RTN1: variants seen among roughly 807,000 people sequenced by gnomAD.
RTN1 encodes the protein reticulon 1.
In RTN1, 25 loss-of-function variants were observed where a neutral mutation model predicts 65.5. The ratio of observed to expected loss-of-function variants is 0.38; its 90% CI spans 0.28 to 0.53. The LOEUF is 0.53. Among genes scored for constraint, RTN1 ranks in the 20% least tolerant of loss-of-function variants. RTN1 has a pLI of 0.79. For missense variants in RTN1, 983 were observed against 1,025.4 expected, an observed-to-expected ratio of 0.96 and a Z score of 0.57; for synonymous variants, 471 against 447.6, an observed-to-expected ratio of 1.05 and a Z score of -0.66.
intron 1 of RTN1, among the ~76,000 whole-genome samples, chr14:59,751,566 A>G (rs1242731670): frequency 6.6e-6 from 1 of 152,188 alleles, no homozygotes; most frequent in African/African-American, 2.4e-5. Flanking sequence ...GGGTTTGTCC[A>G]TATAAATGAA....
chr14:59,634,213 T>C (rs535339404), intron 3 of RTN1, among the ~76,000 whole-genome samples: 1 of 152,238 alleles, frequency 6.6e-6, no homozygotes, highest in East Asian at 1.9e-4. Flanking sequence ...CATTAAGATA[T>C]ATGGGAGAAG....
intron 1 of RTN1, among the ~76,000 whole-genome samples, chr14:59,861,203 T>C (rs1040395268): frequency 3.3e-5 from 5 of 152,162 alleles, no homozygotes; most frequent in African/African-American, 9.7e-5. Context: ...CGGGAGGTAA[T>C]TGAATCATGG....
At chr14:59,660,768 C>T (rs1259944043) in intron 3 of RTN1, among the ~76,000 whole-genome samples, 1 of 151,774 alleles carries the variant, frequency 6.6e-6, no homozygotes, top group Non-Finnish European at 1.5e-5. Flanking sequence ...CACTAAATTC[C>T]CAAAAAAGAA....
intron 1 of RTN1, among the ~76,000 whole-genome samples, chr14:59,808,845 T>C (rs1886681212): frequency 1.3e-5 from 2 of 152,156 alleles, no homozygotes; most frequent in Non-Finnish European, 2.9e-5. Flanking sequence ...GCTCCCACCA[T>C]GTGAGAGGAC....
intron 1 of RTN1, among the ~76,000 whole-genome samples, chr14:59,750,229 AAT>A (rs375840430): frequency 1.6e-4 from 7 of 42,682 alleles, no homozygotes; most frequent in South Asian, 2.1e-3. Context: ...TTATATCTAT[AAT>A]ATATATATTA....
intron 3 of RTN1, among the ~76,000 whole-genome samples, chr14:59,675,177 A>C (rs1883597887): frequency 6.6e-6 from 1 of 152,134 alleles, no homozygotes; most frequent in African/African-American, 2.4e-5. Context: ...AGATATGGTA[A>C]AGAGGGTCAG....
intron 1 of RTN1, among the ~76,000 whole-genome samples, chr14:59,847,189 T>C (rs1451559180): frequency 6.6e-6 from 1 of 152,212 alleles, no homozygotes; most frequent in East Asian, 1.9e-4. Flanking sequence ...TTTCTTCACA[T>C]AAAATATCAT....
intron 3 of RTN1, among the ~76,000 whole-genome samples, chr14:59,621,085 A>G (rs1882241784): frequency 6.6e-6 from 1 of 152,242 alleles, no homozygotes; most frequent in South Asian, 2.1e-4. Flanking sequence ...CCAATTTTTC[A>G]CATTTTAATT....
At chr14:59,832,289 G>C (rs1018615761) in intron 1 of RTN1, among the ~76,000 whole-genome samples, 2 of 151,876 alleles carry the variant, frequency 1.3e-5, no homozygotes, top group South Asian at 4.1e-4. Flanking sequence ...AATATTTTAA[G>C]AAAAAATAAA....
chr14:59,688,514 C>G (rs1192326602), intron 3 of RTN1, among the ~76,000 whole-genome samples: 1 of 152,156 alleles, frequency 6.6e-6, no homozygotes, highest in African/African-American at 2.4e-5. Context: ...GAGCTCAGAC[C>G]AATGTGCACA....
intron 3 of RTN1, among the ~76,000 whole-genome samples, chr14:59,664,323 G>T (rs1405282985): frequency 6.6e-6 from 1 of 152,090 alleles, no homozygotes; most frequent in Non-Finnish European, 1.5e-5. Context: ...GTCAGGTGGT[G>T]GGGGGAAAGG....
Position 59,870,444 on chromosome 14 carries a change from C to A in RTN1, c.187G>T (p.Ala63Ser), listed in dbSNP as rs1486650495. Reference sequence around the variant, plus strand: ...GACTGCCGGGCGGGGCCCGAGCCGGCTTCCCGCGACGCCGCTTCCCGGGCC... The same window carrying A: ...GACTGCCGGGCGGGGCCCGAGCCGGATTCCCGCGACGCCGCTTCCCGGGCC... ...ARAREAASRE[A>S]GSGPARQSPV... is the part of the protein sequence containing the mutation. The change falls in exon 1 of 9, where the codon GCC (alanine) becomes TCC (serine). Residue 63 changes from alanine (A) to serine (S), a missense_variant. This residue lies in a region of RTN1 where 818 missense variants were observed against 801.8 expected (regional missense o/e 1.02). Transcript: ENST00000267484. The surrounding 1 kb of genome is among the most constrained non-coding windows in gnomAD (Gnocchi z 5.1). 2.0e-6 allele frequency: 3 copies of A among 1,512,552 alleles called. No homozygotes were observed. Among genetic ancestry groups the A allele is most frequent in the Non-Finnish European group, 2.6e-6 (3 of 1,141,588 alleles). 93.7% of individuals were successfully genotyped at this position (1,512,552 alleles called of 1,614,324 possible).
intron 3 of RTN1, among the ~76,000 whole-genome samples, chr14:59,717,375 G>A (rs1467895220): frequency 2.0e-5 from 3 of 152,182 alleles, no homozygotes; most frequent in African/African-American, 4.8e-5. Flanking sequence ...ATTAGTGGTA[G>A]TGAAATGTTT....
intron 1 of RTN1, among the ~76,000 whole-genome samples, chr14:59,793,757 T>C (rs1386251491): frequency 6.6e-6 from 1 of 152,088 alleles, no homozygotes. Context: ...TATACCAATA[T>C]ATACTCACTA....
intron 3 of RTN1, among the ~76,000 whole-genome samples, chr14:59,692,130 GA>G (rs1883974623): frequency 6.6e-6 from 1 of 152,128 alleles, no homozygotes; most frequent in African/African-American, 2.4e-5. Context: ...CAGGAAAAAG[GA>G]AGTCGAACTA....
chr14:59,653,808 GT>G (rs1241916441), intron 3 of RTN1, among the ~76,000 whole-genome samples: 1 of 152,056 alleles, frequency 6.6e-6, no homozygotes, highest in East Asian at 1.9e-4. Context: ...AACAATAATA[GT>G]TGAAAACTTC....
chr14:59,777,024 G>T (rs78615053), intron 1 of RTN1, among the ~76,000 whole-genome samples: 1 of 152,132 alleles, frequency 6.6e-6, no homozygotes, highest in Admixed American at 6.5e-5. Flanking sequence ...ACAGGCAAGC[G>T]TTCATTACGG....
At chr14:59,625,847 T>C (rs1258765223) in intron 3 of RTN1, among the ~76,000 whole-genome samples, 2 of 152,186 alleles carry the variant, frequency 1.3e-5, no homozygotes, top group African/African-American at 4.8e-5. Context: ...AAAAAGAACT[T>C]TATTTTTCAA....
In RTN1 at chr14:59,727,029, C is replaced by G; in HGVS notation, c.1655G>C (p.Arg552Pro). 3.1e-6 allele frequency: 5 copies of G among 1,613,508 alleles called. No individual in the cohort carries two copies. The highest frequency in any genetic ancestry group is 4.2e-6 in the Non-Finnish European group (5 of 1,179,766). ...ALEPETPMLPRKPEEDSSSNQ... is the reference protein window; with the variant it reads ...ALEPETPMLPPKPEEDSSSNQ... ...GGAACTCGAGTCTTCTTCAGGCTTC[C>G]GTGGCAACATGGGCGTCTCAGGCTC... The change falls in exon 3 of 9, where the codon CGG (arginine) becomes CCG (proline). Residue 552 changes from arginine (R) to proline (P), a missense_variant. Transcript: ENST00000267484. This position sits in a 1 kb window ranked among gnomAD's most constrained non-coding sequence, Gnocchi z 4.2.
Sources: gnomAD v4.1 joint callset for allele counts (sites outside exome capture counted in the v4.1 genomes callset) on GRCh38, gnomAD v4.1.1 for gene constraint, gnomAD v4.1.1 regional missense constraint, Gnocchi (gnomAD v3.1) non-coding constraint, MANE v1.5 for transcripts, NCBI Gene and HGNC (gene_info 2026-07-23, HGNC 2026-07-21) for gene names.